The following NIBAN1 variants were observed in gnomAD, a reference collection of about 807,000 sequenced individuals.
The protein encoded by NIBAN1 is niban apoptosis regulator 1, also known as protein Niban 1.
NIBAN1 carries 81 observed loss-of-function variants against 75.1 expected under a neutral mutation model. The observed-to-expected ratio is 1.08, with a 90% confidence interval of 0.90 to 1.30. The LOEUF is 1.30. Among genes scored for constraint, NIBAN1 ranks in the 50% most tolerant of loss-of-function variants. The pLI, the probability that NIBAN1 is intolerant of heterozygous loss-of-function variation, is 0.00. For missense variants in NIBAN1, 1,133 were observed against 1,128.1 expected, an observed-to-expected ratio of 1.00 and a Z score of -0.06; for synonymous variants, 436 against 424.8, an observed-to-expected ratio of 1.03 and a Z score of -0.32.
At chr1:184,814,408 T>C (rs774999051) in intron 9 of NIBAN1, among the ~76,000 whole-genome samples, 69 of 152,106 alleles carry the variant, frequency 4.5e-4, no homozygotes, top group Non-Finnish European at 8.5e-4. Flanking sequence ...AAACATAAAA[T>C]TTGGTTTTCT....
intron 1 of NIBAN1, among the ~76,000 whole-genome samples, chr1:184,938,505 CTG>C (rs1658015697): frequency 6.6e-6 from 1 of 150,978 alleles, no homozygotes; most frequent in Non-Finnish European, 1.5e-5. Context: ...TTTGCTCTTT[CTG>C]TGTTTTCTTC....
chr1:184,974,404 C>G lies in NIBAN1; in HGVS notation c.-48G>C, dbSNP rs1373180121. The G allele has an allele frequency of 1.3e-6, 2 of 1,532,058 alleles. No individual in the cohort carries two copies. Among genetic ancestry groups the G allele is most frequent in the South Asian group, 1.2e-5 (1 of 83,432 alleles). 94.9% of individuals were successfully genotyped at this position (1,532,058 alleles called of 1,614,324 possible). On this transcript the variant is annotated 5_prime_UTR_variant, in exon 1 of 14. Coordinates refer to ENST00000367511, the MANE Select transcript of NIBAN1 (RefSeq NM_052966.4). ...GCGCGGAAACTGCCCGGTCCGCGCC[C>G]GCTGCTAGCTCCTGGAGGTTGATCC...
chr1:184,841,372 G>A (rs1254730668), intron 5 of NIBAN1, among the ~76,000 whole-genome samples: 2 of 152,210 alleles, frequency 1.3e-5, no homozygotes, highest in Non-Finnish European at 2.9e-5. Flanking sequence ...CCTCATAAAT[G>A]CGAAATATAA....
intron 8 of NIBAN1, among the ~76,000 whole-genome samples, chr1:184,820,943 C>T (rs1049622035): frequency 2.0e-5 from 3 of 152,168 alleles, no homozygotes; most frequent in Non-Finnish European, 2.9e-5. Context: ...TTGGCATTAT[C>T]GTTTTTTCCA....
At chr1:184,833,429 G>A (rs1321883954) in intron 5 of NIBAN1, among the ~76,000 whole-genome samples, 1 of 151,980 alleles carries the variant, frequency 6.6e-6, no homozygotes, top group Non-Finnish European at 1.5e-5. Context: ...CAGTGGCCAG[G>A]CATGGTGGTG....
chr1:184,884,938 A>T, intron 4 of NIBAN1, 138 bp from the exon 5 acceptor site: 1 of 1,108,588 alleles, frequency 9.0e-7, no homozygotes, highest in South Asian at 1.6e-5. Flanking sequence ...CAGGATAGGG[A>T]AACTGGGAGC....
chr1:184,899,083 A>C, intron 2 of NIBAN1, 96 bp downstream of exon 2: 1 of 1,414,148 alleles, frequency 7.1e-7, no homozygotes, highest in Non-Finnish European at 9.7e-7. Context: ...AGTTTTTAAA[A>C]CTGCCATTCA....
At chr1:184,971,369 T>C (rs556634114) in intron 1 of NIBAN1, among the ~76,000 whole-genome samples, 40 of 149,354 alleles carry the variant, frequency 2.7e-4, no homozygotes, top group African/African-American at 9.6e-4. Flanking sequence ...ATGAGCTTTC[T>C]TCCTCATTAA....
At chr1:184,910,642 T>TC in intron 1 of NIBAN1, among the ~76,000 whole-genome samples, 1 of 152,174 alleles carries the variant, frequency 6.6e-6, no homozygotes, top group Admixed American at 6.5e-5. Flanking sequence ...TGATCTTAAA[T>TC]TTAGGCAAAA....
intron 6 of NIBAN1, among the ~76,000 whole-genome samples, chr1:184,826,720 T>C (rs115980868): frequency 0.022 from 3,414 of 152,316 alleles, 117 homozygotes; most frequent in African/African-American, 0.077. Context: ...AAAAATAATG[T>C]TCCATTTGGG....
intron 8 of NIBAN1, among the ~76,000 whole-genome samples, chr1:184,821,139 G>A (rs58814142): frequency 0.057 from 8,596 of 152,090 alleles, 776 homozygotes; most frequent in African/African-American, 0.19. Context: ...GTAAAATCAC[G>A]TTGTCTTCTT....
At chr1:184,924,985 G>T (rs1168324933) in intron 1 of NIBAN1, among the ~76,000 whole-genome samples, 1 of 151,708 alleles carries the variant, frequency 6.6e-6, no homozygotes, top group East Asian at 1.9e-4. Context: ...TTGTTTCATT[G>T]ATCTTTTGTA....
chr1:184,927,188 A>G (rs965539948), intron 1 of NIBAN1, among the ~76,000 whole-genome samples: 1 of 151,978 alleles, frequency 6.6e-6, no homozygotes, highest in Admixed American at 6.6e-5. Context: ...GGTGAGGTCA[A>G]GTTTTCCTGG....
intron 12 of NIBAN1, among the ~76,000 whole-genome samples, chr1:184,802,645 C>A (rs2102187711): frequency 6.6e-6 from 1 of 152,298 alleles, no homozygotes; most frequent in African/African-American, 2.4e-5. Flanking sequence ...AGTAAAATAA[C>A]TTATGCAAAG....
intron 1 of NIBAN1, among the ~76,000 whole-genome samples, chr1:184,958,402 A>AC (rs1557930915): frequency 2.7e-5 from 4 of 149,580 alleles, no homozygotes; most frequent in Non-Finnish European, 4.5e-5. Flanking sequence ...ACACACACAC[A>AC]AATAGCCAAA....
At chr1:184,914,721 C>CTTT (rs35169090) in intron 1 of NIBAN1, among the ~76,000 whole-genome samples, 1 of 126,384 alleles carries the variant, frequency 7.9e-6, no homozygotes, top group Admixed American at 7.7e-5. Context: ...AGTTAACTTT[C>CTTT]TTTTTTTTTT....
intron 1 of NIBAN1, among the ~76,000 whole-genome samples, chr1:184,930,998 T>TTTTTTCTTTTC (rs1553229159): frequency 1.5e-3 from 165 of 113,648 alleles, no homozygotes; most frequent in African/African-American, 7.2e-3. Context: ...TTTCTTCTTC[T>TTTTTTCTTTTC]TTTTTTTTTT....
intron 4 of NIBAN1, among the ~76,000 whole-genome samples, chr1:184,885,928 T>A (rs1486556360): frequency 6.6e-6 from 1 of 152,168 alleles, no homozygotes; most frequent in Admixed American, 6.5e-5. Flanking sequence ...TCACCTTTAT[T>A]GGTTCCTCTG....
chr1:184,877,389 G>A (rs1365536674), intron 5 of NIBAN1, among the ~76,000 whole-genome samples: 1 of 151,956 alleles, frequency 6.6e-6, no homozygotes. Flanking sequence ...ATCAGGGAAA[G>A]ACACATAAGA....
Sources: allele counts gnomAD v4.1 joint callset (sites outside exome capture counted in the v4.1 genomes callset), GRCh38; gene constraint gnomAD v4.1.1; transcripts MANE v1.5; gene names NCBI Gene and HGNC (gene_info 2026-07-23, HGNC 2026-07-21).